The following LRRN1 variants were observed in gnomAD, a reference collection of about 807,000 sequenced individuals.
LRRN1 encodes the protein leucine-rich repeat neuronal protein 1.
LRRN1 carries 14 observed loss-of-function variants against 45.8 expected under a neutral mutation model. The ratio of observed to expected loss-of-function variants is 0.31; its 90% CI spans 0.20 to 0.48. The LOEUF is 0.48. Among genes scored for constraint, LRRN1 ranks in the 20% least tolerant of loss-of-function variants. The pLI is 0.99. For missense variants in LRRN1, 789 were observed against 874.2 expected (o/e 0.90, Z 1.23); for synonymous variants, 359 against 330.1 (o/e 1.09, Z -0.95).
At chr3:3,829,057 A>G (rs564245128) in intron 1 of LRRN1, among the ~76,000 whole-genome samples, 169 of 146,786 alleles carry the variant, frequency 1.2e-3, no homozygotes, top group African/African-American at 4.2e-3. Flanking sequence ...GGCCATTTGT[A>G]GTCCTTTCTG....
intron 1 of LRRN1, chr3:3,800,793 G>C (rs938123465): frequency 6.5e-6 from 1 of 152,892 alleles, no homozygotes; most frequent in Non-Finnish European, 1.5e-5. Flanking sequence ...ACGTTTGCCA[G>C]GTGGCCTGGA....
chr3:3,819,763 ATC>A (rs548918816), intron 1 of LRRN1, among the ~76,000 whole-genome samples: 481 of 152,212 alleles, frequency 3.2e-3, no homozygotes, highest in Middle Eastern at 0.01. Context: ...GGACTTCAAC[ATC>A]TCTTTTTTTG....
At chr3:3,827,876 C>G (rs540759319) in intron 1 of LRRN1, among the ~76,000 whole-genome samples, 1 of 152,130 alleles carries the variant, frequency 6.6e-6, no homozygotes, top group African/African-American at 2.4e-5. Context: ...TATTTGGTCT[C>G]TGGATTTTAT....
rs374723250 is a variant in LRRN1 at position 3,846,697 on chromosome 3, A to G, written c.2056A>G (p.Asn686Asp). The change falls in exon 2 of 2, where the codon AAC becomes GAC. Residue 686 changes from asparagine (N) to aspartate (D), a missense_variant. Coordinates refer to ENST00000319331, the MANE Select transcript of LRRN1 (RefSeq NM_020873.7). This position sits in a 1 kb window ranked among gnomAD's most constrained non-coding sequence, Gnocchi z 5.7. ...AAATGAGCTGTACCCACCACTCATTAACCTCTGGGAAGGTGACAGCGAGAA... is the reference window on the plus strand; with the variant it reads ...AAATGAGCTGTACCCACCACTCATTGACCTCTGGGAAGGTGACAGCGAGAA... ...PLNELYPPLI[N>D]LWEGDSEKDK... 3.1e-6 allele frequency: 5 copies of G among 1,613,920 alleles called. No homozygotes were observed. The highest frequency in any genetic ancestry group is 3.4e-6 in the Non-Finnish European group (4 of 1,180,012).
At chr3:3,806,446 C>A (rs891666142) in intron 1 of LRRN1, among the ~76,000 whole-genome samples, 1 of 152,178 alleles carries the variant, frequency 6.6e-6, no homozygotes, top group Non-Finnish European at 1.5e-5. Flanking sequence ...TTCCATCTAG[C>A]CTCTTTGAAC....
intron 1 of LRRN1, among the ~76,000 whole-genome samples, chr3:3,825,783 AAAG>A (rs1191356253): frequency 1.3e-5 from 2 of 152,210 alleles, no homozygotes; most frequent in African/African-American, 2.4e-5. Flanking sequence ...TTAAAGCACT[AAAG>A]AAGTTTTCTT....
rs191148770 is a variant in LRRN1, at chr3:3,815,853, A to G, written c.-279+15934A>G. On this transcript the variant is annotated intron_variant, in intron 1 of 1. Coordinates refer to ENST00000319331, the MANE Select transcript of LRRN1 (RefSeq NM_020873.7). ...AGGTACATGTTCATCCTAGACATAT[A>G]TGATTGCACTGCAATTTACTCTAAA... 2.1e-3 allele frequency among the ~76,000 whole-genome samples: 322 copies of G among 152,308 alleles called. 5 individuals carry two copies. Among genetic ancestry groups the G allele is most frequent in the African/African-American group, 7.6e-3 (315 of 41,578 alleles).
intron 1 of LRRN1, among the ~76,000 whole-genome samples, chr3:3,813,588 T>C (rs1692927495): frequency 6.6e-6 from 1 of 152,126 alleles, no homozygotes; most frequent in South Asian, 2.1e-4. Context: ...TCTTAAGTCT[T>C]CTACTTACTA....
At chr3:3,810,314 CCT>C (rs899733948) in intron 1 of LRRN1, among the ~76,000 whole-genome samples, 8 of 152,264 alleles carry the variant, frequency 5.3e-5, no homozygotes, top group African/African-American at 1.9e-4. Flanking sequence ...AAAAGCTTCA[CCT>C]CTCTGCCTCC....
chr3:3,844,721 T>G lies in LRRN1; in HGVS notation c.80T>G (p.Ile27Arg), dbSNP rs1693721833. 2 of 1,614,176 alleles carry G rather than the reference T, an allele frequency of 1.2e-6. No individual in the cohort carries two copies. The highest frequency in any genetic ancestry group is 1.3e-5 in the African/African-American group (1 of 75,054). ...LLMTSLTESS[I>R]QNSECPQLCV... ...ATGACTTCATTAACCGAGTCTTCCA[T>G]ACAGAATAGTGAGTGTCCACAACTT... Residue 27 changes from isoleucine to arginine, a missense_variant, in exon 2 of 2, where the codon ATA (isoleucine) becomes AGA (arginine). Transcript: ENST00000319331.
At chr3:3,801,561 T>A (rs1209843844) in intron 1 of LRRN1, among the ~76,000 whole-genome samples, 6 of 152,148 alleles carry the variant, frequency 3.9e-5, no homozygotes, top group African/African-American at 1.2e-4. Flanking sequence ...TGTGAGCGGA[T>A]CCTGGCAGAT....
chr3:3,825,230 G>T (rs1693191977), intron 1 of LRRN1, among the ~76,000 whole-genome samples: 1 of 152,130 alleles, frequency 6.6e-6, no homozygotes, highest in Admixed American at 6.5e-5. Context: ...TCCTGAAAGG[G>T]CTAAAGTGCC....
intron 1 of LRRN1, among the ~76,000 whole-genome samples, chr3:3,836,736 A>C (rs755141723): frequency 6.6e-6 from 1 of 152,128 alleles, no homozygotes; most frequent in African/African-American, 2.4e-5. Context: ...TACAAAAAGG[A>C]GTGGGATATG....
intron 1 of LRRN1, among the ~76,000 whole-genome samples, chr3:3,837,601 G>A (rs1423740789): frequency 1.3e-5 from 2 of 152,130 alleles, no homozygotes; most frequent in Non-Finnish European, 2.9e-5. Flanking sequence ...ATGCCAGGAA[G>A]GCTAAATTGT....
Position 3,845,801 on chromosome 3 carries a change from C to G in LRRN1, c.1160C>G (p.Thr387Ser), listed in dbSNP as rs145675446. 8 of 1,614,142 alleles carry G rather than the reference C, an allele frequency of 5.0e-6. No individual in the cohort carries two copies. The highest frequency in any genetic ancestry group is 1.1e-5 in the South Asian group (1 of 91,084). The change falls in exon 2 of 2, where the codon ACC becomes AGC. Residue 387 changes from threonine (T) to serine (S), a missense_variant. Thr to Ser is a moderately conservative substitution (Grantham distance 58). Coordinates refer to ENST00000319331, the MANE Select transcript of LRRN1 (RefSeq NM_020873.7). This position sits in a 1 kb window ranked among gnomAD's most constrained non-coding sequence, Gnocchi z 6.5. ...CVIHWINSNK[T>S]NIRFMEPLSM... ...ATCCACTGGATTAACTCCAACAAAACCAACATCCGCTTCATGGAGCCCCTG... is the reference window on the plus strand; with the variant it reads ...ATCCACTGGATTAACTCCAACAAAAGCAACATCCGCTTCATGGAGCCCCTG...
At position 3,844,863 on chromosome 3, in the gene LRRN1, A is replaced by C. The variant is rs370011667; in HGVS notation, c.222A>C (p.Thr74=). ...TRIPSNLSSD[T]QVLLLQSNNI... ...TTCCCAGTAACCTCTCTAGTGACAC[A>C]CAAGTGCTTCTCTTACAGAGCAATA... Residue 74 remains threonine (T), a synonymous_variant, in exon 2 of 2, where the codon ACA becomes ACC. Coordinates refer to ENST00000319331, the MANE Select transcript of LRRN1 (RefSeq NM_020873.7). 6.2e-7 allele frequency: 1 copy of C among 1,614,172 alleles called. No individual in the cohort carries two copies. The highest frequency in any genetic ancestry group is 8.5e-7 in the Non-Finnish European group (1 of 1,180,006).
At chr3:3,803,185 G>A (rs1355778366) in intron 1 of LRRN1, among the ~76,000 whole-genome samples, 1 of 152,162 alleles carries the variant, frequency 6.6e-6, no homozygotes, top group Non-Finnish European at 1.5e-5. Flanking sequence ...TAAACTGCTA[G>A]AGCCATTACC....
intron 1 of LRRN1, among the ~76,000 whole-genome samples, chr3:3,835,234 A>G (rs1353464172): frequency 1.3e-5 from 2 of 152,192 alleles, no homozygotes; most frequent in Non-Finnish European, 2.9e-5. Flanking sequence ...CAAACATCAT[A>G]GCCTACCTTG....
In LRRN1 at chr3:3,846,825, G is replaced by C. The variant is rs1212654274; in HGVS notation, c.*33G>C. 8 of 1,518,530 alleles carry C rather than the reference G, an allele frequency of 5.3e-6. No homozygotes were observed. The highest frequency in any genetic ancestry group is 7.1e-6 in the Non-Finnish European group (8 of 1,125,046). The allele number at this position is 1,518,530 out of a possible 1,614,324, so 94.1% of individuals were successfully genotyped here. A position where few individuals can be genotyped will look rare whatever the true frequency, so the allele number is the denominator to read the frequency against. On this transcript the variant is annotated 3_prime_UTR_variant, in exon 2 of 2. Coordinates refer to ENST00000319331, the MANE Select transcript of LRRN1 (RefSeq NM_020873.7). This position sits in a 1 kb window ranked among gnomAD's most constrained non-coding sequence, Gnocchi z 5.7. ...GATATTTTGCTTCTGGTAGTAAGGA[G>C]CACAAAGACGTTTTTGCTTTATTCT...
Sources: gnomAD v4.1 joint callset for allele counts (sites outside exome capture counted in the v4.1 genomes callset) on GRCh38, gnomAD v4.1.1 for gene constraint, Gnocchi (gnomAD v3.1) non-coding constraint, MANE v1.5 for transcripts, NCBI Gene and HGNC (gene_info 2026-07-23, HGNC 2026-07-21) for gene names.